The following ABCC8 variants were observed in gnomAD, a reference collection of about 807,000 sequenced individuals.
The protein encoded by ABCC8 is ATP binding cassette subfamily C member 8, also known as ATP-binding cassette sub-family C member 8.
ABCC8 carries 137 observed loss-of-function variants against 188.0 expected under a neutral mutation model. That is an observed-to-expected ratio of 0.73 (90% CI 0.63 to 0.84). The LOEUF is 0.84. Among genes scored for constraint, ABCC8 ranks in the 40% least tolerant of loss-of-function variants. ABCC8 has a pLI of 0.00. For synonymous variants in ABCC8, 797 were observed against 846.5 expected, an observed-to-expected ratio of 0.94 and a Z score of 1.01; for missense variants, 1,750 against 2,072.7, an observed-to-expected ratio of 0.84 and a Z score of 3.02.
At position 17,427,179 on chromosome 11, in the gene ABCC8, G is replaced by A; in HGVS notation, c.2117-25C>T. ...CCTGCAGGGAGGGAGGGTGGCAGAT[G>A]TGAGTGGGGCCGGGGGAGTCTGAAC... On this transcript the variant is annotated intron_variant, in intron 15 of 38. Transcript: ENST00000389817. The surrounding 1 kb of genome is among the most constrained non-coding windows in gnomAD (Gnocchi z 5.0). The A allele has an allele frequency of 1.2e-6, 2 of 1,605,076 alleles. No individual in the cohort carries two copies. The highest frequency in any genetic ancestry group is 1.7e-6 in the Non-Finnish European group (2 of 1,175,518).
chr11:17,403,435 G>C (rs1355541940), intron 28 of ABCC8, among the ~76,000 whole-genome samples: 1 of 152,172 alleles, frequency 6.6e-6, no homozygotes, highest in Non-Finnish European at 1.5e-5. Flanking sequence ...GAACTTTGTA[G>C]AACAGCTTGT....
At chr11:17,396,198 C>G in intron 33 of ABCC8, 3 of 702,124 alleles carry the variant, frequency 4.3e-6, no homozygotes, top group Non-Finnish European at 6.7e-6. Context: ...GTGCCGGGTA[C>G]TTGGCTGAAG....
At chr11:17,433,617 A>C (rs1361998945) in intron 10 of ABCC8, among the ~76,000 whole-genome samples, 1 of 152,236 alleles carries the variant, frequency 6.6e-6, no homozygotes. Flanking sequence ...GCTCCCAGGA[A>C]GTTCCAGATA....
Position 17,461,574 on chromosome 11 carries a change from C to G in ABCC8, c.822+9G>C. 1 of 1,614,190 alleles carries G rather than the reference C, an allele frequency of 6.2e-7. No individual in the cohort carries two copies. Among genetic ancestry groups the G allele is most frequent in the Non-Finnish European group, 8.5e-7 (1 of 1,180,046 alleles). On this transcript the variant is annotated intron_variant, in intron 5 of 38. Coordinates refer to ENST00000389817, the MANE Select transcript of ABCC8 (RefSeq NM_000352.6). Reference sequence around the variant, plus strand: ...AGTGAATAGATGGTGTGGCTGTGCCCCCACTGACCACCTGGGCGTCAAAGG... The same window carrying G: ...AGTGAATAGATGGTGTGGCTGTGCCGCCACTGACCACCTGGGCGTCAAAGG...
chr11:17,448,709 T>C lies in ABCC8; in HGVS notation c.1177-38A>G, dbSNP rs200586886. ...GCAGAGTGTTTCACATTCATCATCA[T>C]TCTCATCATCATCACCACACCAGAT... is the stretch of plus-strand genomic sequence containing the variant. On this transcript the variant is annotated intron_variant, in intron 7 of 38. Transcript: ENST00000389817. 1.8e-4 allele frequency: 298 copies of C among 1,613,724 alleles called. 1 individual carries two copies. The highest frequency in any genetic ancestry group is 1.2e-3 in the South Asian group (113 of 91,068).
chr11:17,412,529 G>T, intron 21 of ABCC8, 137 bp downstream of exon 21: 1 of 1,256,792 alleles, frequency 8.0e-7, no homozygotes, highest in Non-Finnish European at 1.1e-6. Context: ...GGATGATAAG[G>T]CAATATCTCT....
intron 21 of ABCC8, among the ~76,000 whole-genome samples, chr11:17,411,336 C>A (rs1954794405): frequency 6.6e-6 from 1 of 152,200 alleles, no homozygotes; most frequent in African/African-American, 2.4e-5. Flanking sequence ...ACAGAGTAGA[C>A]GCTTCATAAA....
At chr11:17,425,787 C>T (rs542798815) in intron 16 of ABCC8, among the ~76,000 whole-genome samples, 1 of 152,262 alleles carries the variant, frequency 6.6e-6, no homozygotes, top group Admixed American at 6.5e-5. Flanking sequence ...CTGCACCCAT[C>T]AACCCTTCAT....
At chr11:17,428,815 G>A (rs1955716626) in intron 12 of ABCC8, 145 bp from the exon 13 acceptor site, 4 of 1,428,470 alleles carry the variant, frequency 2.8e-6, no homozygotes, top group Non-Finnish European at 3.7e-6. Flanking sequence ...GCAGACCAGT[G>A]GGCATGGGGG....
At position 17,413,487 on chromosome 11, in the gene ABCC8, G is replaced by T. The variant is rs780814554; in HGVS notation, c.2391-9C>A. The T allele has an allele frequency of 6.8e-5, 109 of 1,613,460 alleles. No individual in the cohort carries two copies. The highest frequency in any genetic ancestry group is 8.9e-5 in the Non-Finnish European group (105 of 1,180,038). On this transcript the variant is annotated splice_polypyrimidine_tract_variant and intron_variant, in intron 19 of 38. Transcript: ENST00000389817. ...CAATGACCATCTTGTACCTGGCGTG[G>T]GTAGAGGCAGGGGATGCAGCTGGTC...
At chr11:17,471,588 T>A (rs1015461288) in intron 2 of ABCC8, among the ~76,000 whole-genome samples, 2 of 152,236 alleles carry the variant, frequency 1.3e-5, no homozygotes, top group African/African-American at 4.8e-5. Context: ...CATACTCCTT[T>A]GCCAGTGTTG....
chr11:17,474,426 G>A (rs11024300), intron 2 of ABCC8, among the ~76,000 whole-genome samples: 32,483 of 152,064 alleles, frequency 0.21, 3,672 homozygotes, highest in Non-Finnish European at 0.24. Context: ...AATGAGGCCA[G>A]AGATAGGTGG....
chr11:17,459,828 A>G (rs868503159), intron 6 of ABCC8, among the ~76,000 whole-genome samples: 17 of 152,332 alleles, frequency 1.1e-4, no homozygotes, highest in South Asian at 4.1e-4. Flanking sequence ...GCTCCAACAA[A>G]TTTCAGTTTG....
chr11:17,395,124 G>A, intron 36 of ABCC8, 48 bp downstream of exon 36: 1 of 1,550,856 alleles, frequency 6.4e-7, no homozygotes, highest in Non-Finnish European at 8.7e-7. Flanking sequence ...ATCCTTACAG[G>A]GTCCTTGAGT....
Position 17,466,679 on chromosome 11 carries a change from C to T in ABCC8, c.413-3075G>A, listed in dbSNP as rs114768398. On this transcript the variant is annotated intron_variant, in intron 3 of 38. Transcript: ENST00000389817. Reference sequence around the variant, plus strand: ...TTGTCCAGGCTGGAGTGCAGTGGCACAATCTTGGCTGGAGTGCAGTGGCAC... The same window carrying T: ...TTGTCCAGGCTGGAGTGCAGTGGCATAATCTTGGCTGGAGTGCAGTGGCAC... Among the ~76,000 whole-genome samples the T allele has an allele frequency of 8.5e-3, 1,290 of 151,916 alleles. 17 individuals are homozygous for T. Among genetic ancestry groups the T allele is most frequent in the African/African-American group, 0.029 (1,186 of 41,386 alleles).
At position 17,443,275 on chromosome 11, in the gene ABCC8, C is replaced by A; in HGVS notation, c.1370G>T (p.Gly457Val). The change falls in exon 9 of 39, where the codon GGA (glycine) becomes GTA (valine). Residue 457 changes from glycine (G) to valine (V), a missense_variant. Physicochemically the swap from Gly to Val is moderately radical, Grantham distance 109. Transcript: ENST00000389817. The part of the protein sequence containing the change: ...VGVILLYYIL[G>V]VSALIGAAVI... The stretch of plus-strand genomic sequence containing the variant: ...AGCTGCTCCAATTAAGGCACTGACT[C>A]CGAGTATGTAGTAGAGGAGAATCAC... 2 of 1,614,070 alleles carry A rather than the reference C, an allele frequency of 1.2e-6. No homozygotes were observed. The highest frequency in any genetic ancestry group is 1.7e-6 in the Non-Finnish European group (2 of 1,180,022).
In ABCC8 at chr11:17,408,501, T is replaced by A. The variant is rs928960370; in HGVS notation, c.2711A>T (p.Asp904Val). The A allele has an allele frequency of 6.2e-7, 1 of 1,612,554 alleles. No homozygotes were observed. Among genetic ancestry groups the A allele is most frequent in the Non-Finnish European group, 8.5e-7 (1 of 1,179,854 alleles). Residue 904 changes from aspartate (D) to valine (V), a missense_variant, in exon 23 of 39, where the codon GAT becomes GTT. By Grantham distance (152) the Asp-to-Val change is radical (BLOSUM62 -3). Transcript: ENST00000389817. The stretch of plus-strand genomic sequence containing the variant: ...GGTACCCTCCCTCTGGATGGTGCCA[T>A]CCTTCATGGCAATGATCTGGAAAGG... The part of the protein sequence containing the change: ...PHADWIIAMK[D>V]GTIQREGTLK...
At position 17,462,609 on chromosome 11, in the gene ABCC8, A is replaced by G. The variant is rs115469538; in HGVS notation, c.580-784T>C. The stretch of plus-strand genomic sequence containing the variant: ...AATATATAAGTATGTTCAACACACC[A>G]TTATTCATGAAGGCAAGAACTTGGC... On this transcript the variant is annotated intron_variant, in intron 4 of 38. Transcript: ENST00000389817. Among the ~76,000 whole-genome samples the G allele has an allele frequency of 5.6e-3, 853 of 152,372 alleles. 5 individuals are homozygous for G. Among genetic ancestry groups the G allele is most frequent in the African/African-American group, 0.018 (751 of 41,572 alleles).
Position 17,428,198 on chromosome 11 carries a change from G to A in ABCC8, c.2040+91C>T, listed in dbSNP as rs375209945. ...AGGCAGGCAGGGTGACCTCTGCAGA[G>A]GACTAAGCATGCAGCTTTCTGGCTT... On this transcript the variant is annotated intron_variant, in intron 14 of 38. Transcript: ENST00000389817. 22 of 1,592,484 alleles carry A rather than the reference G, an allele frequency of 1.4e-5. No individual in the cohort carries two copies. In the East Asian group the frequency reaches 2.7e-4, roughly 19 times the overall value.
Sources: gnomAD v4.1 joint callset for allele counts (sites outside exome capture counted in the v4.1 genomes callset) on GRCh38, gnomAD v4.1.1 for gene constraint, Gnocchi (gnomAD v3.1) non-coding constraint, MANE v1.5 for transcripts, NCBI Gene and HGNC (gene_info 2026-07-23, HGNC 2026-07-21) for gene names.